Variants in GSE1 observed in about 807,000 individuals in gnomAD.
GSE1 encodes genetic suppressor element 1.
Under a neutral mutation model 112.6 loss-of-function variants are expected in GSE1, and 32 were observed. The ratio of observed to expected loss-of-function variants is 0.28; its 90% CI spans 0.21 to 0.38. The LOEUF (loss-of-function observed/expected upper bound fraction) is 0.38, where lower values mean the gene tolerates loss of function less well. Ranked by LOEUF, GSE1 falls within the 10% of genes least tolerant of loss-of-function variation. The pLI is 1.00. For synonymous variants in GSE1, 1,115 were observed against 735.6 expected, an observed-to-expected ratio of 1.52 and a Z score of -8.35; for missense variants, 2,348 against 1,699.2, an observed-to-expected ratio of 1.38 and a Z score of -6.71.
intron 2 of GSE1, among the ~76,000 whole-genome samples, chr16:85,453,846 G>C (rs1052277808): frequency 4.6e-5 from 7 of 152,318 alleles, no homozygotes; most frequent in African/African-American, 1.4e-4. Flanking sequence ...TGGCACTCTT[G>C]GACCTGGTGG....
chr16:85,630,750 G>A (rs926853073), intron 1 of GSE1, among the ~76,000 whole-genome samples: 1 of 152,206 alleles, frequency 6.6e-6, no homozygotes, highest in African/African-American at 2.4e-5. Context: ...AGCAGTGGGG[G>A]CCCAGGAAGC....
rs1440148824 is a variant in GSE1 at position 85,316,845 on chromosome 16, C to G, written c.2284-40618C>G. The stretch of plus-strand genomic sequence containing the variant: ...GGGCTGAACCTGGGCTCAGGGAACC[C>G]CGCCCGGCGTGGCTGCAGCCCCTCA... On this transcript the variant is annotated intron_variant, in intron 1 of 2. Transcript: ENST00000637419. Among the ~76,000 whole-genome samples, 3 of 152,312 alleles carry G rather than the reference C, an allele frequency of 2.0e-5. No individual in the cohort carries two copies. The East Asian group carries it at 5.8e-4, about 29-fold the overall frequency.
chr16:85,432,441 G>T (rs904393513), intron 2 of GSE1, among the ~76,000 whole-genome samples: 2 of 152,238 alleles, frequency 1.3e-5, no homozygotes, highest in African/African-American at 4.8e-5. Flanking sequence ...TTGAAGCTCT[G>T]ACCCAGCCCA....
At chr16:85,228,940 G>A (rs973914370) in intron 1 of GSE1, among the ~76,000 whole-genome samples, 5 of 152,258 alleles carry the variant, frequency 3.3e-5, no homozygotes, top group Non-Finnish European at 5.9e-5. Flanking sequence ...CAGCCTTGCA[G>A]CCTGTTCTGA....
rs748526936 is a variant in GSE1 at position 85,633,985 on chromosome 16, A to G, written c.79A>G (p.Asn27Asp). Residue 27 changes from asparagine to aspartate, a missense_variant, in exon 2 of 16, where the codon AAC becomes GAC. Coordinates refer to ENST00000253458, the MANE Select transcript of GSE1 (RefSeq NM_014615.5). ...CGCGACCAGGACCACCGCCACCGTC[A>G]ACCCCCTCACCCCCTCGCCGCTCAA... ...STATRTTATVNPLTPSPLNGA... is the reference protein window; with the variant it reads ...STATRTTATVDPLTPSPLNGA... 22 of 1,612,960 alleles carry G rather than the reference A, an allele frequency of 1.4e-5. No homozygotes were observed. The highest frequency in any genetic ancestry group is 1.9e-5 in the Non-Finnish European group (22 of 1,179,694).
At chr16:85,630,188 C>A (rs1267662781) in intron 1 of GSE1, among the ~76,000 whole-genome samples, 1 of 152,158 alleles carries the variant, frequency 6.6e-6, no homozygotes, top group African/African-American at 2.4e-5. Context: ...ACTGGAGTGA[C>A]CCAAGAGGGC....
At chr16:85,590,949 C>T (rs1378589661) in intron 1 of GSE1, among the ~76,000 whole-genome samples, 2 of 152,148 alleles carry the variant, frequency 1.3e-5, no homozygotes, top group African/African-American at 4.8e-5. Context: ...GGGGACCAGA[C>T]GTGCTCTCGG....
chr16:85,558,419 C>G (rs1323598041), intron 1 of GSE1, among the ~76,000 whole-genome samples: 1 of 152,242 alleles, frequency 6.6e-6, no homozygotes, highest in Non-Finnish European at 1.5e-5. Context: ...CCCTCTTCAC[C>G]TGCCACTGGA....
At chr16:85,465,662 C>G (rs1432523156) in intron 2 of GSE1, among the ~76,000 whole-genome samples, 1 of 152,178 alleles carries the variant, frequency 6.6e-6, no homozygotes, top group Non-Finnish European at 1.5e-5. Context: ...CAGACTCCAC[C>G]CAGCCATAAG....
chr16:85,236,584 C>T (rs183675952), intron 1 of GSE1, among the ~76,000 whole-genome samples: 2 of 152,202 alleles, frequency 1.3e-5, no homozygotes, highest in East Asian at 3.9e-4. Flanking sequence ...GTGCATAGGC[C>T]TGGGGGTGGG....
chr16:85,381,842 A>C (rs1347422457), intron 2 of GSE1, among the ~76,000 whole-genome samples: 1 of 152,210 alleles, frequency 6.6e-6, no homozygotes, highest in Non-Finnish European at 1.5e-5. Context: ...ATGTCACTGC[A>C]AAGCAAGCTA....
intron 2 of GSE1, among the ~76,000 whole-genome samples, chr16:85,528,320 GTTT>G (rs2052427408): frequency 6.6e-6 from 1 of 151,120 alleles, no homozygotes; most frequent in African/African-American, 2.4e-5. Context: ...GTTTTTGTTT[GTTT>G]GTTTGTTTGT....
upstream of GSE1, among the ~76,000 whole-genome samples, chr16:85,611,882 G>A (rs1018967950): frequency 6.6e-6 from 1 of 151,910 alleles, no homozygotes. Flanking sequence ...AGGAAGGCGG[G>A]GGAGGCGGGC....
At chr16:85,202,588 C>T (rs539286808) in intron 1 of GSE1, among the ~76,000 whole-genome samples, 2 of 152,322 alleles carry the variant, frequency 1.3e-5, no homozygotes, top group African/African-American at 4.8e-5. Flanking sequence ...CCCCACCCCA[C>T]ACAGGGATGT....
At chr16:85,392,861 G>A (rs1263729206) in intron 2 of GSE1, among the ~76,000 whole-genome samples, 1 of 152,236 alleles carries the variant, frequency 6.6e-6, no homozygotes, top group Non-Finnish European at 1.5e-5. Flanking sequence ...GGCTGACCCC[G>A]AATGTGCGGG....
chr16:85,493,047 G>GT (rs939535145), intron 2 of GSE1, among the ~76,000 whole-genome samples: 3 of 152,238 alleles, frequency 2.0e-5, no homozygotes, highest in Non-Finnish European at 4.4e-5. Context: ...GCTGGTGCCA[G>GT]TGGGGGACAG....
At chr16:85,591,579 C>T (rs1466108249) in intron 1 of GSE1, among the ~76,000 whole-genome samples, 1 of 152,212 alleles carries the variant, frequency 6.6e-6, no homozygotes, top group Non-Finnish European at 1.5e-5. Flanking sequence ...CGGCAGTGCC[C>T]CCCGTGGCAA....
At chr16:85,571,739 G>C (rs1567602248) in intron 1 of GSE1, among the ~76,000 whole-genome samples, 1 of 152,342 alleles carries the variant, frequency 6.6e-6, no homozygotes. Context: ...CAGCAAGGGA[G>C]GCAGAGGCGT....
chr16:85,214,186 C>T (rs906081832), intron 1 of GSE1, among the ~76,000 whole-genome samples: 1 of 152,214 alleles, frequency 6.6e-6, no homozygotes, highest in Non-Finnish European at 1.5e-5. Flanking sequence ...CTCCGCTCAC[C>T]CACGAGAGCA....
Sources: gnomAD v4.1 joint callset for allele counts (sites outside exome capture counted in the v4.1 genomes callset) on GRCh38, gnomAD v4.1.1 for gene constraint, MANE v1.5 for transcripts, NCBI Gene and HGNC (gene_info 2026-07-23, HGNC 2026-07-21) for gene names.